Variants in MTUS1 observed in about 807,000 individuals in gnomAD.
MTUS1 encodes the protein microtubule-associated tumor suppressor 1.
Under a neutral mutation model 120.8 loss-of-function variants are expected in MTUS1, and 109 were observed. The observed-to-expected ratio is 0.90, with a 90% CI of 0.77 to 1.06. The LOEUF (loss-of-function observed/expected upper bound fraction) is 1.06, where lower values mean the gene tolerates loss of function less well. MTUS1 is among the 50% of genes least tolerant of loss of function. MTUS1 has a pLI of 0.00. For synonymous variants in MTUS1, 737 were observed against 550.5 expected, an observed-to-expected ratio of 1.34 and a Z score of -4.74; for missense variants, 2,210 against 1,486.3, an observed-to-expected ratio of 1.49 and a Z score of -8.01.
chr8:17,775,281 T>A (rs537195044), intron 1 of MTUS1, among the ~76,000 whole-genome samples: 2 of 152,188 alleles, frequency 1.3e-5, no homozygotes, highest in East Asian at 3.9e-4. Flanking sequence ...ATTTTTTTTT[T>A]AAAGCAACAC....
At position 17,724,149 on chromosome 8, in the gene MTUS1, A is replaced by G. The variant is rs138954136; in HGVS notation, c.2288-316T>C. The stretch of plus-strand genomic sequence containing the variant: ...TCAATCAGAATAATCATGAGAAAGC[A>G]GCTTTTGGCAAAACTGAAATAAAAA... On this transcript the variant is annotated intron_variant, in intron 3 of 14. Coordinates refer to ENST00000693296, the MANE Select transcript of MTUS1 (RefSeq NM_001363059.2). 1.4e-3 allele frequency: 711 copies of G among 497,624 alleles called. 13 individuals carry two copies. Among genetic ancestry groups the G allele is most frequent in the African/African-American group, 0.013 (660 of 51,280 alleles). The allele number at this position is 497,624 out of a possible 1,614,324, so 30.8% of individuals were successfully genotyped here.
intron 3 of MTUS1, among the ~76,000 whole-genome samples, chr8:17,743,402 A>G (rs990036695): frequency 3.9e-5 from 6 of 152,138 alleles, no homozygotes; most frequent in African/African-American, 1.4e-4. Context: ...TTATACACCT[A>G]TACCTCTCTC....
intron 6 of MTUS1, among the ~76,000 whole-genome samples, chr8:17,712,738 CAT>C (rs914959405): frequency 2.9e-4 from 44 of 151,782 alleles, no homozygotes; most frequent in African/African-American, 1.0e-3. Flanking sequence ...TCTTGAGAGA[CAT>C]AAAGTTTTGG....
chr8:17,760,279 C>A (rs2048940589), intron 1 of MTUS1, among the ~76,000 whole-genome samples: 1 of 151,880 alleles, frequency 6.6e-6, no homozygotes, highest in Admixed American at 6.6e-5. Context: ...AAAAAACCCA[C>A]AAACATGTGT....
intron 4 of MTUS1, 29 bp from the exon 5 acceptor site, chr8:17,715,930 T>C (rs764032063): frequency 6.3e-7 from 1 of 1,599,664 alleles, no homozygotes; most frequent in Non-Finnish European, 8.5e-7. Context: ...GTACATTTTA[T>C]TGTATAGATA....
chr8:17,674,630 G>A (rs1388717772), intron 8 of MTUS1: 1 of 986,630 alleles, frequency 1.0e-6, no homozygotes, highest in African/African-American at 1.7e-5. Context: ...GCAGGGCTGG[G>A]TGGTAGGTGT....
At position 17,755,146 on chromosome 8, in the gene MTUS1, G is replaced by A. The variant is rs1310033307; in HGVS notation, c.662C>T (p.Thr221Ile). Reference protein sequence around the residue: ...SHSDKTHARETTYDRESFENP... With the variant: ...SHSDKTHAREITYDRESFENP... The stretch of plus-strand genomic sequence containing the variant: ...TTCAAAGCTTTCTCTATCATAAGTA[G>A]TTTCTCTTGCATGCGTCTTATCAGA... The change falls in exon 2 of 15, where the codon ACT becomes ATT. Residue 221 changes from threonine to isoleucine, a missense_variant. Physicochemically the swap from Thr to Ile is moderately conservative, Grantham distance 89 (BLOSUM62 -1). Transcript: ENST00000693296. 3.1e-6 allele frequency: 5 copies of A among 1,613,986 alleles called. No individual in the cohort carries two copies. Among genetic ancestry groups the A allele is most frequent in the Non-Finnish European group, 4.2e-6 (5 of 1,180,022 alleles).
chr8:17,785,972 T>C (rs1339387667), intron 1 of MTUS1, among the ~76,000 whole-genome samples: 1 of 151,920 alleles, frequency 6.6e-6, no homozygotes, highest in East Asian at 1.9e-4. Flanking sequence ...TGAGACTCTG[T>C]CCCTAAAAAA....
chr8:17,775,718 A>G (rs536180633), intron 1 of MTUS1, among the ~76,000 whole-genome samples: 1 of 152,378 alleles, frequency 6.6e-6, no homozygotes, highest in East Asian at 1.9e-4. Flanking sequence ...TGTTTAGAAT[A>G]AATTACTAGG....
intron 8 of MTUS1, chr8:17,664,051 C>A (rs1291852073): frequency 6.6e-6 from 1 of 152,140 alleles, no homozygotes; most frequent in East Asian, 1.9e-4. Flanking sequence ...TCCATTGATT[C>A]CAGTGTGTTT....
rs748213671 is a variant in MTUS1, at chr8:17,715,761, C to T, written c.2584+6G>A. The stretch of plus-strand genomic sequence containing the variant: ...CTCCCTCTTCAAACCACAATGAGGA[C>T]TGTACCTTTTGGAGGAGTTTTCATC... On this transcript the variant is annotated splice_donor_region_variant and intron_variant, in intron 5 of 14. Transcript: ENST00000693296. 1 of 1,609,948 alleles carries T rather than the reference C, an allele frequency of 6.2e-7. No individual in the cohort carries two copies. The highest frequency in any genetic ancestry group is 2.2e-5 in the East Asian group (1 of 44,828).
intron 3 of MTUS1, among the ~76,000 whole-genome samples, chr8:17,725,536 C>T (rs2046169468): frequency 6.6e-6 from 1 of 152,184 alleles, no homozygotes; most frequent in Non-Finnish European, 1.5e-5. Context: ...AGCTCTTCTT[C>T]CACCCTTTGA....
chr8:17,667,298 T>C (rs1811118139), intron 8 of MTUS1, among the ~76,000 whole-genome samples: 1 of 152,216 alleles, frequency 6.6e-6, no homozygotes, highest in Admixed American at 6.5e-5. Flanking sequence ...CAGTTGGTTT[T>C]CAGTATATTA....
At chr8:17,695,173 C>T (rs1001717141) in intron 6 of MTUS1, among the ~76,000 whole-genome samples, 4 of 152,190 alleles carry the variant, frequency 2.6e-5, no homozygotes, top group African/African-American at 9.7e-5. Flanking sequence ...TGGATAAGCC[C>T]ATCAAAGACT....
chr8:17,782,614 T>C (rs1338358972), intron 1 of MTUS1, among the ~76,000 whole-genome samples: 1 of 152,220 alleles, frequency 6.6e-6, no homozygotes, highest in Non-Finnish European at 1.5e-5. Context: ...CATTTATGTA[T>C]TTCATATCAC....
chr8:17,688,075 T>C (rs1341231146), intron 6 of MTUS1, among the ~76,000 whole-genome samples: 1 of 152,168 alleles, frequency 6.6e-6, no homozygotes, highest in Non-Finnish European at 1.5e-5. Context: ...TCTGCTGGCT[T>C]TTCCAATTAT....
At chr8:17,665,854 C>T (rs1174853797) in intron 8 of MTUS1, among the ~76,000 whole-genome samples, 2 of 152,108 alleles carry the variant, frequency 1.3e-5, no homozygotes, top group South Asian at 2.1e-4. Context: ...AAAAAATGAC[C>T]TTTCCCCCCC....
intron 1 of MTUS1, among the ~76,000 whole-genome samples, chr8:17,781,129 T>G (rs1163430961): frequency 6.6e-6 from 1 of 152,162 alleles, no homozygotes; most frequent in Non-Finnish European, 1.5e-5. Flanking sequence ...CACGGATTAT[T>G]TACTTGCACA....
rs536460687 is a variant in MTUS1, at chr8:17,795,261, G to A, written c.-155+5800C>T. Among the ~76,000 whole-genome samples the A allele has an allele frequency of 7.2e-5, 11 of 152,310 alleles. 1 individual carries two copies. The South Asian group carries it at 1.5e-3, about 20-fold the overall frequency. On this transcript the variant is annotated intron_variant, in intron 1 of 14. Coordinates refer to ENST00000693296, the MANE Select transcript of MTUS1 (RefSeq NM_001363059.2). ...CTTCCTAGTCTCCTGATAAGTATGA[G>A]TCTTTCCCAAGATTCCCTTTTCAAT...
Sources: gnomAD v4.1 joint callset for allele counts (sites outside exome capture counted in the v4.1 genomes callset) on GRCh38, gnomAD v4.1.1 for gene constraint, MANE v1.5 for transcripts, NCBI Gene and HGNC (gene_info 2026-07-23, HGNC 2026-07-21) for gene names.